Variants in BIN1 observed in about 807,000 individuals in gnomAD.
BIN1 encodes myc box-dependent-interacting protein 1.
In BIN1, 53 loss-of-function variants were observed where a neutral mutation model predicts 82.0. The observed-to-expected ratio is 0.65, with a 90% CI of 0.52 to 0.81. The LOEUF is 0.81. Among genes scored for constraint, BIN1 ranks in the 40% least tolerant of loss-of-function variants. The pLI, the probability that BIN1 is intolerant of heterozygous loss-of-function variation, is 0.00. For missense variants in BIN1, 642 were observed against 784.4 expected (o/e 0.82, Z 2.17); for synonymous variants, 302 against 328.0 (o/e 0.92, Z 0.86).
At chr2:127,063,774 A>G in intron 8 of BIN1, 128 bp from the exon 9 acceptor site, 1 of 1,391,834 alleles carries the variant, frequency 7.2e-7, no homozygotes, top group Non-Finnish European at 1.0e-6. Flanking sequence ...CAGGCACCGC[A>G]GCACTCAGGC....
rs1679138114 is a variant in BIN1, at chr2:127,093,029, C to A, written c.84+13831G>T. On this transcript the variant is annotated intron_variant, in intron 1 of 18. Coordinates refer to ENST00000316724, the MANE Select transcript of BIN1 (RefSeq NM_139343.3). This position sits in a 1 kb window ranked among gnomAD's most constrained non-coding sequence, Gnocchi z 5.7. Reference sequence around the variant, plus strand: ...CCAGGAGGGAGCCAAAGGAGTGGGGCACAGCCTGGGGGCCCCCCCACAGAT... The same window carrying A: ...CCAGGAGGGAGCCAAAGGAGTGGGGAACAGCCTGGGGGCCCCCCCACAGAT... Among the ~76,000 whole-genome samples, 1 of 151,498 alleles carries A rather than the reference C, an allele frequency of 6.6e-6. No homozygotes were observed. The highest frequency in any genetic ancestry group is 2.1e-4 in the South Asian group (1 of 4,814).
Position 127,048,666 on chromosome 2 carries a change from G to A in BIN1, c.1675-33C>T, listed in dbSNP as rs749874464. The A allele has an allele frequency of 9.4e-6, 15 of 1,600,544 alleles. No individual in the cohort carries two copies. The East Asian group carries it at 3.1e-4, about 33-fold the overall frequency. ...GCAGAGCACCAGGTCGCACAGGGAT[G>A]AGCAAGGGGCTCCACCCCACAGGGC... is the stretch of plus-strand genomic sequence containing the variant. On this transcript the variant is annotated intron_variant, in intron 18 of 18. Transcript: ENST00000316724.
At chr2:127,070,718 C>G (rs976912932) in intron 3 of BIN1, 44 bp downstream of exon 3, 1 of 1,613,904 alleles carries the variant, frequency 6.2e-7, no homozygotes, top group Non-Finnish European at 8.5e-7. Context: ...AGCTCTGCAC[C>G]CACCAGCTCT....
At position 127,070,667 on chromosome 2, in the gene BIN1, T is replaced by C. The variant is rs1414562531; in HGVS notation, c.221-20A>G. On this transcript the variant is annotated intron_variant, in intron 3 of 18. Coordinates refer to ENST00000316724, the MANE Select transcript of BIN1 (RefSeq NM_139343.3). ...GCATGGCTGTGGGGCAGAAAGGAAG[T>C]ATGTGGGCCTCCCACTGATAGCGCT... The C allele has an allele frequency of 2.5e-6, 4 of 1,613,844 alleles. No homozygotes were observed. In the South Asian group the frequency reaches 3.3e-5, roughly 13 times the overall value.
intron 1 of BIN1, among the ~76,000 whole-genome samples, chr2:127,088,770 G>A (rs1317519941): frequency 6.6e-6 from 1 of 151,992 alleles, no homozygotes; most frequent in Non-Finnish European, 1.5e-5. Flanking sequence ...GACACTGAAG[G>A]GCTGGGGGTG....
intron 7 of BIN1, among the ~76,000 whole-genome samples, chr2:127,065,782 G>T (rs1230417131): frequency 2.0e-5 from 3 of 152,222 alleles, no homozygotes; most frequent in African/African-American, 7.2e-5. Flanking sequence ...ACGCTGCCGA[G>T]AGCAAGAGCG....
intron 1 of BIN1, among the ~76,000 whole-genome samples, chr2:127,089,769 C>G (rs922194367): frequency 6.6e-6 from 1 of 152,060 alleles, no homozygotes; most frequent in African/African-American, 2.4e-5. Context: ...GGGAGCAGGC[C>G]CAGGCTGTGC....
chr2:127,049,298 C>G (rs908905957), intron 18 of BIN1, among the ~76,000 whole-genome samples: 1 of 152,206 alleles, frequency 6.6e-6, no homozygotes, highest in African/African-American at 2.4e-5. Flanking sequence ...ACTGTGGGCT[C>G]TGGGTAGCAG....
intron 2 of BIN1, among the ~76,000 whole-genome samples, chr2:127,072,921 T>C (rs1686084044): frequency 6.6e-6 from 1 of 152,204 alleles, no homozygotes; most frequent in African/African-American, 2.4e-5. Context: ...GTGTTCATGA[T>C]GGGATGCTAT....
chr2:127,102,837 G>A (rs143384821), intron 1 of BIN1, among the ~76,000 whole-genome samples: 5 of 152,362 alleles, frequency 3.3e-5, no homozygotes, highest in African/African-American at 1.2e-4. Flanking sequence ...TCCAGGGGAA[G>A]CTGAGACTGG....
chr2:127,052,998 T>C (rs1320904415), intron 14 of BIN1: 1 of 301,590 alleles, frequency 3.3e-6, no homozygotes, highest in East Asian at 7.6e-5. Flanking sequence ...ATTCCTCCCC[T>C]CTCCCCTTCC....
At chr2:127,089,031 G>A (rs938074522) in intron 1 of BIN1, among the ~76,000 whole-genome samples, 3 of 152,134 alleles carry the variant, frequency 2.0e-5, no homozygotes, top group African/African-American at 7.2e-5. Context: ...CAGGCTTCAT[G>A]CTGAGCCCTT....
intron 1 of BIN1, among the ~76,000 whole-genome samples, chr2:127,092,497 G>C (rs939581818): frequency 6.6e-6 from 1 of 152,188 alleles, no homozygotes; most frequent in Non-Finnish European, 1.5e-5. Flanking sequence ...TGGCTGCCCC[G>C]TGTGGGAGGC....
At position 127,050,534 on chromosome 2, in the gene BIN1, G is replaced by A. The variant is rs772059686; in HGVS notation, c.1573-12C>T. On this transcript the variant is annotated splice_polypyrimidine_tract_variant and intron_variant, in intron 17 of 18. Transcript: ENST00000316724. ...TGCTGGGCCTGTACCTGCAGAGGATGCGGATCGCAAGTCAGACCTTCCGTC... is the reference window on the plus strand; with the variant it reads ...TGCTGGGCCTGTACCTGCAGAGGATACGGATCGCAAGTCAGACCTTCCGTC... 1 of 1,614,100 alleles carries A rather than the reference G, an allele frequency of 6.2e-7. No individual in the cohort carries two copies. The highest frequency in any genetic ancestry group is 1.1e-5 in the South Asian group (1 of 91,078).
Position 127,067,280 on chromosome 2 carries a change from C to T in BIN1, c.612+883G>A, listed in dbSNP as rs928368252. 3.9e-5 allele frequency among the ~76,000 whole-genome samples: 6 copies of T among 152,286 alleles called. No homozygotes were observed. The South Asian group carries it at 6.2e-4, about 16-fold the overall frequency. On this transcript the variant is annotated intron_variant, in intron 7 of 18. Coordinates refer to ENST00000316724, the MANE Select transcript of BIN1 (RefSeq NM_139343.3). The surrounding 1 kb of genome is among the most constrained non-coding windows in gnomAD (Gnocchi z 4.7). ...TATGGAGAAGTGTGAGGGCCACATC[C>T]AGGCTGTGACTACACTGACCTGAAA...
chr2:127,050,328 C>T (rs1021402367), intron 18 of BIN1, 93 bp downstream of exon 18: 2 of 1,391,016 alleles, frequency 1.4e-6, no homozygotes, highest in Non-Finnish European at 2.0e-6. Context: ...GCCTCTGCTG[C>T]CCCCTGCTGG....
chr2:127,081,730 AC>A, intron 1 of BIN1: 3 of 1,181,536 alleles, frequency 2.5e-6, no homozygotes, highest in African/African-American at 1.6e-5. Flanking sequence ...CCAACACCCC[AC>A]CCCCACACAC....
chr2:127,067,141 A>C lies in BIN1; in HGVS notation c.612+1022T>G, dbSNP rs1195993548. Among the ~76,000 whole-genome samples the C allele has an allele frequency of 1.3e-5, 2 of 151,924 alleles. No homozygotes were observed. Among genetic ancestry groups the C allele is most frequent in the Non-Finnish European group, 2.9e-5 (2 of 67,972 alleles). ...AAGCCCACCCAGAGCTCTCCACGTCACAGGCACTCAATGAAGATGATGAAA... is the reference window on the plus strand; with the variant it reads ...AAGCCCACCCAGAGCTCTCCACGTCCCAGGCACTCAATGAAGATGATGAAA... On this transcript the variant is annotated intron_variant, in intron 7 of 18. Coordinates refer to ENST00000316724, the MANE Select transcript of BIN1 (RefSeq NM_139343.3). The surrounding 1 kb of genome is among the most constrained non-coding windows in gnomAD (Gnocchi z 4.7).
At chr2:127,049,301 G>C (rs575222366) in intron 18 of BIN1, among the ~76,000 whole-genome samples, 39 of 152,322 alleles carry the variant, frequency 2.6e-4, no homozygotes, top group African/African-American at 8.7e-4. Context: ...GTGGGCTCTG[G>C]GTAGCAGTCT....
Sources: gnomAD v4.1 joint callset for allele counts (sites outside exome capture counted in the v4.1 genomes callset) on GRCh38, gnomAD v4.1.1 for gene constraint, Gnocchi (gnomAD v3.1) non-coding constraint, MANE v1.5 for transcripts, NCBI Gene and HGNC (gene_info 2026-07-23, HGNC 2026-07-21) for gene names.